SLC22A5: variants seen among roughly 807,000 people sequenced by gnomAD.
The protein encoded by SLC22A5 is organic cation/carnitine transporter 2.
Under a neutral mutation model 56.7 loss-of-function variants are expected in SLC22A5, and 44 were observed. The observed-to-expected ratio is 0.78, with a 90% CI of 0.61 to 1.00. The LOEUF (loss-of-function observed/expected upper bound fraction) is 1.00. SLC22A5 is among the 50% of genes least tolerant of loss of function. The pLI, the probability that SLC22A5 is intolerant of heterozygous loss-of-function variation, is 0.00. For synonymous variants in SLC22A5, 278 were observed against 292.1 expected (o/e 0.95, Z 0.49); for missense variants, 675 against 723.0 (o/e 0.93, Z 0.76).
rs139203363 is a variant in SLC22A5, at chr5:132,370,006, G to A, written c.34G>A (p.Gly12Ser). The change falls in exon 1 of 10, where the codon GGC becomes AGC. Residue 12 changes from glycine to serine, a missense_variant. Transcript: ENST00000245407. ...RDYDEVTAFL[G>S]EWGPFQRLIF... The stretch of plus-strand genomic sequence containing the variant: ...CTACGACGAGGTGACCGCCTTCCTG[G>A]GCGAGTGGGGGCCCTTCCAGCGCCT... 1,362 of 1,613,304 alleles carry A rather than the reference G, an allele frequency of 8.4e-4. 3 individuals are homozygous for A. Among genetic ancestry groups the A allele is most frequent in the Non-Finnish European group, 9.9e-4 (1,172 of 1,179,704 alleles).
chr5:132,370,923 G>A (rs1293479352), intron 1 of SLC22A5, among the ~76,000 whole-genome samples: 1 of 147,126 alleles, frequency 6.8e-6, no homozygotes, highest in Admixed American at 6.7e-5. Context: ...GTAAGTAATT[G>A]TTTGCCTTTT....
intron 9 of SLC22A5, 83 bp downstream of exon 9, chr5:132,393,894 C>A: frequency 6.7e-7 from 1 of 1,482,458 alleles, no homozygotes; most frequent in Non-Finnish European, 9.4e-7. Flanking sequence ...TAGAGCTACT[C>A]GCAAACTCCC....
intron 8 of SLC22A5, 145 bp downstream of exon 8, chr5:132,392,760 A>G: frequency 1.3e-6 from 1 of 747,166 alleles, no homozygotes; most frequent in Non-Finnish European, 2.3e-6. Flanking sequence ...TTGGCCGGGA[A>G]GGGTTCTTGT....
At chr5:132,393,843 A>C in intron 9 of SLC22A5, 32 bp downstream of exon 9, 2 of 1,613,744 alleles carry the variant, frequency 1.2e-6, no homozygotes, top group Non-Finnish European at 8.5e-7. Flanking sequence ...GTGTTGATGC[A>C]CTGGGTCTGG....
In SLC22A5 at chr5:132,394,439, T is replaced by C. The variant is rs774936630; in HGVS notation, c.*167T>C. 65 of 677,816 alleles carry C rather than the reference T, an allele frequency of 9.6e-5. No homozygotes were observed. The highest frequency in any genetic ancestry group is 2.8e-4 in the Middle Eastern group (1 of 3,588). 42.0% of individuals were successfully genotyped at this position (677,816 alleles called of 1,614,324 possible). A position where few individuals can be genotyped will look rare whatever the true frequency, so the allele number is the denominator to read the frequency against. ...GGCACCCACACTCAGAGGCTACATA[T>C]GGCCCTAGAGCACCACCTTCCTCTA... On this transcript the variant is annotated 3_prime_UTR_variant, in exon 10 of 10. Coordinates refer to ENST00000245407, the MANE Select transcript of SLC22A5 (RefSeq NM_003060.4).
At chr5:132,388,800 G>A (rs751754086) in intron 5 of SLC22A5, 121 bp from the exon 6 acceptor site, 76 of 751,602 alleles carry the variant, frequency 1.0e-4, no homozygotes, top group Admixed American at 7.5e-4. Flanking sequence ...TCTTAGAAAC[G>A]TAACACTCCC....
chr5:132,378,545 C>T, intron 2 of SLC22A5, 64 bp downstream of exon 2: 1 of 1,184,810 alleles, frequency 8.4e-7, no homozygotes, highest in Non-Finnish European at 1.3e-6. Flanking sequence ...GTGTGCCTGG[C>T]CCTTGATTTC....
chr5:132,389,122 A>T lies in SLC22A5; in HGVS notation c.1052+101A>T, dbSNP rs2073645. On this transcript the variant is annotated intron_variant, in intron 6 of 9. Coordinates refer to ENST00000245407, the MANE Select transcript of SLC22A5 (RefSeq NM_003060.4). ...ATGCCTCAGACAAAATTCAAAGCCT[A>T]TGTCATCAGAGAGTGAAAAGGATAT... The T allele has an allele frequency of 5.2e-6, 4 of 762,522 alleles. No homozygotes were observed. In the East Asian group the frequency reaches 1.0e-4, roughly 20 times the overall value. 47.2% of individuals were successfully genotyped at this position (762,522 alleles called of 1,614,324 possible). A position where few individuals can be genotyped will look rare whatever the true frequency, so the allele number is the denominator to read the frequency against.
chr5:132,369,828 C>T lies in SLC22A5; in HGVS notation c.-145C>T, dbSNP rs1351147793. 15 of 1,045,598 alleles carry T rather than the reference C, an allele frequency of 1.4e-5. No homozygotes were observed. The highest frequency in any genetic ancestry group is 1.9e-5 in the Non-Finnish European group (14 of 752,132). 64.8% of individuals were successfully genotyped at this position (1,045,598 alleles called of 1,614,324 possible). A position where few individuals can be genotyped will look rare whatever the true frequency, so the allele number is the denominator to read the frequency against. ...CGCGGCAGGACCAAGGCGGCGGTGTCAGCTCGCGAGCCTACCCTCCGCGGA... is the reference window on the plus strand; with the variant it reads ...CGCGGCAGGACCAAGGCGGCGGTGTTAGCTCGCGAGCCTACCCTCCGCGGA... On this transcript the variant is annotated 5_prime_UTR_variant, in exon 1 of 10. Coordinates refer to ENST00000245407, the MANE Select transcript of SLC22A5 (RefSeq NM_003060.4).
intron 2 of SLC22A5, chr5:132,378,837 C>A: frequency 2.9e-6 from 1 of 350,454 alleles, no homozygotes; most frequent in South Asian, 2.4e-5. Flanking sequence ...TGCACACATG[C>A]ACATGTGCTA....
At chr5:132,388,187 G>T (rs1364732034) in intron 5 of SLC22A5, among the ~76,000 whole-genome samples, 1 of 152,220 alleles carries the variant, frequency 6.6e-6, no homozygotes, top group Non-Finnish European at 1.5e-5. Context: ...TTTTAAGTGA[G>T]GGGTCAATCT....
rs990685127 is a variant in SLC22A5 at position 132,369,929 on chromosome 5, G to A, written c.-44G>A. The A allele has an allele frequency of 1.9e-6, 3 of 1,606,806 alleles. No homozygotes were observed. The highest frequency in any genetic ancestry group is 3.4e-5 in the Admixed American group (2 of 59,620). ...CGCGCGCACGCGCAAAGCCCGCCGC[G>A]TTCCCCGACCCCAGGCCGCGCTCTG... On this transcript the variant is annotated 5_prime_UTR_variant, in exon 1 of 10. Transcript: ENST00000245407.
Position 132,370,597 on chromosome 5 carries a change from G to A in SLC22A5, c.393+232G>A, listed in dbSNP as rs3788987. On this transcript the variant is annotated intron_variant, in intron 1 of 9. Transcript: ENST00000245407. ...GCACAGGTGGTCAGTCTGGCCTCCC[G>A]TCCTGATGGCCACTTTGAAGAGGGT... Among the ~76,000 whole-genome samples the A allele has an allele frequency of 0.081, 12,264 of 152,170 alleles. 605 individuals are homozygous for A. Among genetic ancestry groups the A allele is most frequent in the East Asian group, 0.27 (1,386 of 5,152 alleles).
rs545428531 is a variant in SLC22A5, at chr5:132,392,498, A to G, written c.1333A>G (p.Met445Val). Residue 445 changes from methionine (M) to valine (V), a missense_variant, in exon 8 of 10, where the codon ATG becomes GTG. Physicochemically the swap from Met to Val is conservative, Grantham distance 21 (BLOSUM62 1). Coordinates refer to ENST00000245407, the MANE Select transcript of SLC22A5 (RefSeq NM_003060.4). Reference protein sequence around the residue: ...GKFGVTAAFSMVYVYTAELYP... With the variant: ...GKFGVTAAFSVVYVYTAELYP... ...GTTTGGAGTCACGGCTGCCTTTTCCATGGTCTACGTGTACACAGCCGAGCT... is the reference window on the plus strand; with the variant it reads ...GTTTGGAGTCACGGCTGCCTTTTCCGTGGTCTACGTGTACACAGCCGAGCT... The G allele has an allele frequency of 1.2e-6, 2 of 1,614,138 alleles. No individual in the cohort carries two copies. The highest frequency in any genetic ancestry group is 2.2e-5 in the South Asian group (2 of 91,082).
In SLC22A5 at chr5:132,390,997, C is replaced by A. The variant is rs575322608; in HGVS notation, c.1267+93C>A. On this transcript the variant is annotated intron_variant, in intron 7 of 9. Coordinates refer to ENST00000245407, the MANE Select transcript of SLC22A5 (RefSeq NM_003060.4). ...AATTAATAAAGAGAATAAAATCAAG[C>A]CCATCACAGCTCCCTTGCTTATATA... is the stretch of plus-strand genomic sequence containing the variant. 8 of 996,970 alleles carry A rather than the reference C, an allele frequency of 8.0e-6. No homozygotes were observed. In the East Asian group the frequency reaches 1.8e-4, roughly 22 times the overall value. The allele number at this position is 996,970 out of a possible 1,614,324, so 61.8% of individuals were successfully genotyped here.
chr5:132,389,342 T>C, intron 6 of SLC22A5: 1 of 366,696 alleles, frequency 2.7e-6, no homozygotes, highest in South Asian at 2.2e-5. Context: ...TTACCGACAG[T>C]GGCTGAGGAG....
In SLC22A5 at chr5:132,369,876, T is replaced by G. The variant is rs1038411322; in HGVS notation, c.-97T>G. ...GGACGGTCTTGGGTCGCCTGCTGCC[T>G]GGCTTGCCTGGTCGGCGGCGGGTGC... On this transcript the variant is annotated 5_prime_UTR_variant, in exon 1 of 10. Transcript: ENST00000245407. 6.6e-7 allele frequency: 1 copy of G among 1,509,104 alleles called. No individual in the cohort carries two copies. The highest frequency in any genetic ancestry group is 2.1e-5 in the Admixed American group (1 of 47,564). 93.5% of individuals were successfully genotyped at this position (1,509,104 alleles called of 1,614,324 possible).
rs764371993 is a variant in SLC22A5 at position 132,390,723 on chromosome 5, G to A, written c.1086G>A (p.Ser362=). 29 of 1,614,102 alleles carry A rather than the reference G, an allele frequency of 1.8e-5. No individual in the cohort carries two copies. The highest frequency in any genetic ancestry group is 1.5e-4 in the South Asian group (14 of 91,094). Residue 362 remains serine, a synonymous_variant, in exon 7 of 10, where the codon TCG becomes TCA. Coordinates refer to ENST00000245407, the MANE Select transcript of SLC22A5 (RefSeq NM_003060.4). Reference sequence around the variant, plus strand: ...TATCAGTGGGCTATTTTGGGCTTTCGCTTGATACTCCTAACTTGCATGGGG... The same window carrying A: ...TATCAGTGGGCTATTTTGGGCTTTCACTTGATACTCCTAACTTGCATGGGG... The part of the protein sequence containing the change: ...MTISVGYFGL[S]LDTPNLHGDI...
chr5:132,374,128 G>C (rs1005816329), intron 1 of SLC22A5, among the ~76,000 whole-genome samples: 1 of 151,996 alleles, frequency 6.6e-6, no homozygotes, highest in African/African-American at 2.4e-5. Flanking sequence ...GCTGAGGCAG[G>C]AGAATTTCTT....
Sources: allele counts gnomAD v4.1 joint callset (sites outside exome capture counted in the v4.1 genomes callset), GRCh38; gene constraint gnomAD v4.1.1; transcripts MANE v1.5; gene names NCBI Gene and HGNC (gene_info 2026-07-23, HGNC 2026-07-21).